Variants in GPC5 observed in about 807,000 individuals in gnomAD.
GPC5 encodes the protein glypican 5, also known as glypican-5.
A neutral mutation model predicts 53.9 loss-of-function variants in GPC5; 47 were observed. The observed-to-expected ratio is 0.87, with a 90% confidence interval of 0.69 to 1.11. The LOEUF (loss-of-function observed/expected upper bound fraction) is 1.11, where lower values mean the gene tolerates loss of function less well. Ranked by LOEUF, GPC5 falls within the 50% of genes most tolerant of loss-of-function variation. The pLI is 0.00. For synonymous variants in GPC5, 286 were observed against 263.3 expected, an observed-to-expected ratio of 1.09 and a Z score of -0.84; for missense variants, 748 against 713.1, an observed-to-expected ratio of 1.05 and a Z score of -0.56.
chr13:92,851,397 G>A (rs761322399), intron 7 of GPC5, among the ~76,000 whole-genome samples: 1 of 152,088 alleles, frequency 6.6e-6, no homozygotes, highest in Non-Finnish European at 1.5e-5. Flanking sequence ...GCAAGACGCT[G>A]GAAGAGTCTT....
chr13:92,170,587 G>A (rs2042063563), intron 7 of GPC5, among the ~76,000 whole-genome samples: 1 of 151,556 alleles, frequency 6.6e-6, no homozygotes, highest in Non-Finnish European at 1.5e-5. Context: ...GCCACGCCCA[G>A]CTAATTTTTG....
chr13:92,780,477 A>G (rs1213039868), intron 7 of GPC5, among the ~76,000 whole-genome samples: 5 of 151,916 alleles, frequency 3.3e-5, no homozygotes, highest in Admixed American at 6.6e-5. Flanking sequence ...TCTCTCCCCA[A>G]GTGATAATTT....
At chr13:92,711,210 C>T (rs1888128191) in intron 7 of GPC5, among the ~76,000 whole-genome samples, 1 of 152,050 alleles carries the variant, frequency 6.6e-6, no homozygotes, top group South Asian at 2.1e-4. Flanking sequence ...AATAATGTCA[C>T]CATTACATGC....
chr13:92,578,566 C>T (rs1594318537), intron 7 of GPC5, among the ~76,000 whole-genome samples: 2 of 152,258 alleles, frequency 1.3e-5, no homozygotes, highest in South Asian at 2.1e-4. Flanking sequence ...GCCTGAGAAC[C>T]TGGAGCTCTG....
At chr13:91,457,615 G>GTAT (rs1881654122) in intron 2 of GPC5, among the ~76,000 whole-genome samples, 1 of 152,086 alleles carries the variant, frequency 6.6e-6, no homozygotes, top group African/African-American at 2.4e-5. Context: ...ATGGAAGTGC[G>GTAT]TATGTAGTTT....
At chr13:91,797,792 A>G (rs1480847733) in intron 5 of GPC5, among the ~76,000 whole-genome samples, 3 of 152,140 alleles carry the variant, frequency 2.0e-5, no homozygotes, top group Non-Finnish European at 4.4e-5. Flanking sequence ...CTGACAGCTG[A>G]GATGCTTGTG....
chr13:92,371,599 C>T (rs1469947936), intron 7 of GPC5, among the ~76,000 whole-genome samples: 2 of 152,080 alleles, frequency 1.3e-5, no homozygotes, highest in Non-Finnish European at 2.9e-5. Context: ...AACTTATGAT[C>T]ATGGTGGAAG....
chr13:92,731,081 C>T (rs896427082), intron 7 of GPC5, among the ~76,000 whole-genome samples: 42 of 151,202 alleles, frequency 2.8e-4, no homozygotes, highest in Non-Finnish European at 7.4e-5. Context: ...TGATGATCAA[C>T]AAGGAAGCTG....
At chr13:91,945,614 G>C (rs1024128789) in intron 6 of GPC5, among the ~76,000 whole-genome samples, 2 of 152,080 alleles carry the variant, frequency 1.3e-5, no homozygotes, top group South Asian at 4.1e-4. Flanking sequence ...TTAATAGCAG[G>C]ACTTTCCTCT....
At chr13:91,481,970 A>C (rs946747346) in intron 2 of GPC5, among the ~76,000 whole-genome samples, 11 of 152,174 alleles carry the variant, frequency 7.2e-5, no homozygotes, top group Non-Finnish European at 1.3e-4. Context: ...CCTGATTCAA[A>C]TTTGACAGCC....
Position 92,057,914 on chromosome 13 carries a change from T to C in GPC5, c.1402-86916T>C, listed in dbSNP as rs6492572. Among the ~76,000 whole-genome samples the C allele has an allele frequency of 6.5e-3, 995 of 152,248 alleles. 13 individuals are homozygous for C. Among genetic ancestry groups the C allele is most frequent in the African/African-American group, 0.023 (960 of 41,530 alleles). On this transcript the variant is annotated intron_variant, in intron 6 of 7. Coordinates refer to ENST00000377067, the MANE Select transcript of GPC5 (RefSeq NM_004466.6). ...GAGGAAAAGAGAAAAAAAAAAGCAT[T>C]GTATAGCTGTCTCATTCCTTTCCTA...
chr13:92,735,936 AT>A (rs1371482512), intron 7 of GPC5, among the ~76,000 whole-genome samples: 4 of 152,064 alleles, frequency 2.6e-5, no homozygotes, highest in Non-Finnish European at 5.9e-5. Context: ...AATGTTGTAA[AT>A]TGATAATAGA....
chr13:92,465,450 TTTGAC>T (rs1355354003), intron 7 of GPC5, among the ~76,000 whole-genome samples: 8 of 152,088 alleles, frequency 5.3e-5, no homozygotes, highest in Non-Finnish European at 7.4e-5. Context: ...GATGGTATGC[TTTGAC>T]TTGACTTACA....
At position 91,486,526 on chromosome 13, in the gene GPC5, G is replaced by T. The variant is rs533718800; in HGVS notation, c.325+37604G>T. 4.6e-5 allele frequency: 7 copies of T among 152,236 alleles called. No homozygotes were observed. The South Asian group carries it at 1.5e-3, about 32-fold the overall frequency. The allele number at this position is 152,236 out of a possible 1,614,324, so 9.4% of individuals were successfully genotyped here. ...GATTTTTTATTGTAAGACTAACTTT[G>T]ATACCAGCTTGCCATGTCTAAGAAA... On this transcript the variant is annotated intron_variant, in intron 2 of 7. Transcript: ENST00000377067.
chr13:91,671,799 A>AAAAAAAAAG (rs2035253518), intron 2 of GPC5, among the ~76,000 whole-genome samples: 1 of 149,646 alleles, frequency 6.7e-6, no homozygotes, highest in Non-Finnish European at 1.5e-5. Flanking sequence ...AAAAAAAAAA[A>AAAAAAAAAG]AAAAAACGAA....
chr13:91,710,327 C>G (rs970827276), intron 3 of GPC5, among the ~76,000 whole-genome samples: 1 of 152,168 alleles, frequency 6.6e-6, no homozygotes, highest in Non-Finnish European at 1.5e-5. Flanking sequence ...TCCATGAGAG[C>G]ACAGCAAGAC....
intron 6 of GPC5, among the ~76,000 whole-genome samples, chr13:91,930,884 T>C (rs769757928): frequency 2.5e-4 from 38 of 152,088 alleles, no homozygotes; most frequent in Admixed American, 1.6e-3. Flanking sequence ...GATCTAAGTG[T>C]TGACTAATAG....
At chr13:92,279,606 A>AT (rs200611592) in intron 7 of GPC5, among the ~76,000 whole-genome samples, 227 of 151,460 alleles carry the variant, frequency 1.5e-3, no homozygotes, top group East Asian at 0.012. Flanking sequence ...TAGGCTGGGT[A>AT]TTTTTTTATT....
intron 7 of GPC5, among the ~76,000 whole-genome samples, chr13:92,165,440 A>C (rs1409409284): frequency 1.3e-5 from 2 of 152,216 alleles, no homozygotes; most frequent in Non-Finnish European, 2.9e-5. Context: ...ATTGATTCAC[A>C]GTTCCACATG....
Sources: gnomAD v4.1 joint callset for allele counts (sites outside exome capture counted in the v4.1 genomes callset) on GRCh38, gnomAD v4.1.1 for gene constraint, MANE v1.5 for transcripts, NCBI Gene and HGNC (gene_info 2026-07-23, HGNC 2026-07-21) for gene names.